Variants in OSBPL9 observed in about 807,000 individuals in gnomAD.
OSBPL9 encodes the protein oxysterol binding protein like 9.
A neutral mutation model predicts 106.6 loss-of-function variants in OSBPL9; 40 were observed. The observed-to-expected ratio is 0.38, with a 90% CI of 0.29 to 0.49. The LOEUF (loss-of-function observed/expected upper bound fraction) is 0.49, where lower values mean the gene tolerates loss of function less well. OSBPL9 is among the 20% of genes least tolerant of loss of function. OSBPL9 has a pLI of 0.97. For missense variants in OSBPL9, 609 were observed against 887.2 expected, an observed-to-expected ratio of 0.69 and a Z score of 3.98; for synonymous variants, 269 against 295.4, an observed-to-expected ratio of 0.91 and a Z score of 0.92.
At chr1:51,780,869 T>TG (rs1299102907) in intron 15 of OSBPL9, among the ~76,000 whole-genome samples, 4 of 152,060 alleles carry the variant, frequency 2.6e-5, no homozygotes, top group African/African-American at 7.2e-5. Context: ...ACTGCTTGGG[T>TG]GATGGGTGCA....
At chr1:51,620,668 G>A (rs1644370913) in intron 1 of OSBPL9, among the ~76,000 whole-genome samples, 1 of 152,194 alleles carries the variant, frequency 6.6e-6, no homozygotes, top group South Asian at 2.1e-4. Flanking sequence ...AGGTTGGGCT[G>A]TGAGGTAGGT....
At chr1:51,583,057 C>G (rs934233230) in intron 1 of OSBPL9, 3 of 151,748 alleles carry the variant, frequency 2.0e-5, no homozygotes. Context: ...CCACTGCACT[C>G]CAGCCTGGGT....
At chr1:51,656,777 A>G in intron 2 of OSBPL9, among the ~76,000 whole-genome samples, 1 of 151,856 alleles carries the variant, frequency 6.6e-6, no homozygotes, top group African/African-American at 2.4e-5. Flanking sequence ...CTCCTGCCTC[A>G]ACCTGCTGAG....
intron 4 of OSBPL9, among the ~76,000 whole-genome samples, chr1:51,717,466 T>A: frequency 6.6e-6 from 1 of 152,316 alleles, no homozygotes; most frequent in Non-Finnish European, 1.5e-5. Context: ...GACCCCTACT[T>A]CTCTGTTTTT....
At chr1:51,551,967 A>ATGTGTGTGTGTGTGTGTGTGTG in the OSBPL9 span, among the ~76,000 whole-genome samples, 1,284 of 145,158 alleles carry the variant, frequency 8.8e-3, 9 homozygotes, top group African/African-American at 0.02. Context: ...GTGAATAGAA[A>ATGTGTGTGTGTGTGTGTGTGTG]TGTGTGTGTG....
intron 1 of OSBPL9, among the ~76,000 whole-genome samples, chr1:51,627,827 C>CT (rs928613402): frequency 6.6e-6 from 1 of 152,064 alleles, no homozygotes; most frequent in East Asian, 1.9e-4. Flanking sequence ...CGACAGCACT[C>CT]TTTTTTACCT....
At chr1:51,664,214 A>T (rs556077437) in intron 2 of OSBPL9, among the ~76,000 whole-genome samples, 3 of 152,366 alleles carry the variant, frequency 2.0e-5, no homozygotes, top group African/African-American at 7.2e-5. Flanking sequence ...AACTGAAAAC[A>T]ACATAAATGT....
the OSBPL9 span, among the ~76,000 whole-genome samples, chr1:51,522,281 C>G: frequency 6.6e-6 from 1 of 152,152 alleles, no homozygotes; most frequent in Non-Finnish European, 1.5e-5. Context: ...TAAAAAGAAT[C>G]AGATGCCCTA....
chr1:51,736,266 C>T (rs536880662), intron 4 of OSBPL9, among the ~76,000 whole-genome samples: 5 of 152,214 alleles, frequency 3.3e-5, no homozygotes, highest in South Asian at 4.1e-4. Flanking sequence ...ACAACTTTAG[C>T]GAAAACCGAA....
chr1:51,639,073 A>G (rs1196711311), intron 1 of OSBPL9, among the ~76,000 whole-genome samples: 1 of 152,156 alleles, frequency 6.6e-6, no homozygotes, highest in Non-Finnish European at 1.5e-5. Context: ...TTGACGTATA[A>G]TTTTCTTCCA....
At chr1:51,597,885 A>G (rs143863710) in intron 1 of OSBPL9, among the ~76,000 whole-genome samples, 10 of 152,326 alleles carry the variant, frequency 6.6e-5, no homozygotes, top group African/African-American at 2.4e-4. Context: ...AGTTCTGAGG[A>G]AACAAAAACA....
chr1:51,568,556 C>CT, the OSBPL9 span, among the ~76,000 whole-genome samples: 1 of 151,904 alleles, frequency 6.6e-6, no homozygotes, highest in Non-Finnish European at 1.5e-5. Context: ...CTTTTCTTTT[C>CT]TTTTTTTTGA....
rs562178261 is a variant in OSBPL9, at chr1:51,716,272, T to G, written c.318+2193T>G. ...ACTGGCAAAAGATTATTTTCTCAGATGTAGTGAAGTGTGGTAAAGAACTTC... is the reference window on the plus strand; with the variant it reads ...ACTGGCAAAAGATTATTTTCTCAGAGGTAGTGAAGTGTGGTAAAGAACTTC... On this transcript the variant is annotated intron_variant, in intron 4 of 23. Transcript: ENST00000428468. Among the ~76,000 whole-genome samples the G allele has an allele frequency of 2.8e-4, 42 of 152,336 alleles. 1 individual carries two copies. The highest frequency in any genetic ancestry group is 9.4e-4 in the African/African-American group (39 of 41,582).
intron 15 of OSBPL9, among the ~76,000 whole-genome samples, chr1:51,779,201 C>T (rs529452806): frequency 3.5e-4 from 53 of 152,132 alleles, no homozygotes; most frequent in Non-Finnish European, 6.0e-4. Context: ...ACACTAAGAC[C>T]CAGGCACATA....
intron 3 of OSBPL9, among the ~76,000 whole-genome samples, chr1:51,676,354 C>T (rs979473404): frequency 6.6e-6 from 1 of 151,378 alleles, no homozygotes; most frequent in African/African-American, 2.4e-5. Flanking sequence ...TGCTTGAACT[C>T]GGGAGTCGGA....
At chr1:51,773,244 CAT>C (rs1427508159) in intron 14 of OSBPL9, among the ~76,000 whole-genome samples, 1 of 152,150 alleles carries the variant, frequency 6.6e-6, no homozygotes, top group Non-Finnish European at 1.5e-5. Flanking sequence ...CAAAATGACA[CAT>C]ATTGAGTCAT....
At chr1:51,552,922 C>G in the OSBPL9 span, among the ~76,000 whole-genome samples, 1 of 151,490 alleles carries the variant, frequency 6.6e-6, no homozygotes, top group East Asian at 1.9e-4. Flanking sequence ...CATACCTGGT[C>G]TTTCCATTTT....
intron 2 of OSBPL9, among the ~76,000 whole-genome samples, chr1:51,669,219 C>CCTAT (rs1649263548): frequency 6.6e-6 from 1 of 152,198 alleles, no homozygotes; most frequent in South Asian, 2.1e-4. Flanking sequence ...TTAAGGAAGG[C>CCTAT]ATAGAATGTA....
At chr1:51,642,787 T>A (rs1645887569) in intron 1 of OSBPL9, among the ~76,000 whole-genome samples, 8 of 152,192 alleles carry the variant, frequency 5.3e-5, no homozygotes, top group Admixed American at 5.2e-4. Flanking sequence ...GGCTGTAACC[T>A]TTCAAACTTC....
Sources: gnomAD v4.1 joint callset for allele counts (sites outside exome capture counted in the v4.1 genomes callset) on GRCh38, gnomAD v4.1.1 for gene constraint, MANE v1.5 for transcripts, NCBI Gene and HGNC (gene_info 2026-07-23, HGNC 2026-07-21) for gene names.